NR1H4: variants seen among roughly 807,000 people sequenced by gnomAD.
NR1H4 encodes the protein nuclear receptor subfamily 1 group H member 4, also known as bile acid receptor.
A neutral mutation model predicts 58.5 loss-of-function variants in NR1H4; 23 were observed. The observed-to-expected ratio is 0.39, with a 90% CI of 0.28 to 0.56. NR1H4 has a LOEUF of 0.56. NR1H4 is among the 20% of genes least tolerant of loss of function. The pLI, the probability that NR1H4 is intolerant of heterozygous loss-of-function variation, is 0.58. For synonymous variants in NR1H4, 214 were observed against 198.0 expected, an observed-to-expected ratio of 1.08 and a Z score of -0.68; for missense variants, 487 against 576.9, an observed-to-expected ratio of 0.84 and a Z score of 1.60.
intron 9 of NR1H4, among the ~76,000 whole-genome samples, chr12:100,546,450 C>G (rs375439513): frequency 1.3e-5 from 2 of 152,054 alleles, no homozygotes; most frequent in Non-Finnish European, 2.9e-5. Context: ...AATCCCAGCA[C>G]TTTGGGAGGC....
At chr12:100,503,560 G>C (rs1953887306) in intron 3 of NR1H4, 2 of 1,448,750 alleles carry the variant, frequency 1.4e-6, no homozygotes, top group African/African-American at 1.4e-5. Context: ...GAAATCTGGG[G>C]ACTTTGGTTG....
intron 4 of NR1H4, among the ~76,000 whole-genome samples, chr12:100,526,011 C>T (rs974538396): frequency 1.3e-5 from 2 of 152,048 alleles, no homozygotes; most frequent in Admixed American, 6.6e-5. Context: ...TCTTCTCTCT[C>T]TCTTTTTTCT....
intron 9 of NR1H4, among the ~76,000 whole-genome samples, chr12:100,545,641 CAAAAA>C (rs35404680): frequency 1.0e-3 from 8 of 7,880 alleles, no homozygotes; most frequent in African/African-American, 3.6e-3. Flanking sequence ...GACCTTGTCT[CAAAAA>C]AAAAAAAAAA....
intron 4 of NR1H4, among the ~76,000 whole-genome samples, chr12:100,518,301 T>C (rs1208703136): frequency 1.3e-5 from 2 of 152,174 alleles, no homozygotes; most frequent in Middle Eastern, 3.4e-3. Context: ...AGAATAGAAG[T>C]AATCAAGATA....
intron 4 of NR1H4, among the ~76,000 whole-genome samples, chr12:100,513,077 T>G (rs750808981): frequency 2.6e-5 from 4 of 152,190 alleles, no homozygotes; most frequent in Non-Finnish European, 5.9e-5. Context: ...AGATCCCACT[T>G]ATGGCCTTCA....
At chr12:100,544,691 C>T (rs868662610) in intron 9 of NR1H4, among the ~76,000 whole-genome samples, 45 of 151,800 alleles carry the variant, frequency 3.0e-4, no homozygotes, top group African/African-American at 1.0e-3. Context: ...TGTGGAATAA[C>T]GAAAAAAATG....
chr12:100,537,118 T>A, intron 8 of NR1H4, 71 bp downstream of exon 8: 2 of 926,716 alleles, frequency 2.2e-6, no homozygotes, highest in Non-Finnish European at 3.5e-6. Flanking sequence ...AGATTACCTA[T>A]TTTACATACG....
chr12:100,548,022 G>C (rs1407046492), intron 9 of NR1H4, among the ~76,000 whole-genome samples: 1 of 150,128 alleles, frequency 6.7e-6, no homozygotes, highest in Non-Finnish European at 1.5e-5. Flanking sequence ...ACCCGGCCCT[G>C]TTCCTCTTTT....
intron 9 of NR1H4, among the ~76,000 whole-genome samples, chr12:100,553,062 G>T (rs183989807): frequency 1.3e-5 from 2 of 151,906 alleles, no homozygotes; most frequent in East Asian, 3.9e-4. Context: ...GCAGTGCAGC[G>T]ATCTTAGCTC....
chr12:100,498,664 C>A lies in NR1H4; in HGVS notation c.79+5262C>A, dbSNP rs1593054425. On this transcript the variant is annotated intron_variant, in intron 3 of 10. Coordinates refer to ENST00000392986, the MANE Select transcript of NR1H4 (RefSeq NM_001206979.2). ...AGAAAAAAACACCAAAAAACAAAAACAAACAATATGTAAATAAATTTCTGG... is the reference window on the plus strand; with the variant it reads ...AGAAAAAAACACCAAAAAACAAAAAAAAACAATATGTAAATAAATTTCTGG... Among the ~76,000 whole-genome samples the A allele has an allele frequency of 2.0e-5, 3 of 151,742 alleles. No homozygotes were observed. In the South Asian group the frequency reaches 6.2e-4, roughly 32 times the overall value.
At chr12:100,476,276 CA>C (rs1953269449) in intron 1 of NR1H4, among the ~76,000 whole-genome samples, 1 of 152,108 alleles carries the variant, frequency 6.6e-6, no homozygotes, top group Admixed American at 6.5e-5. Context: ...TCCAGCCTGA[CA>C]GGGGTGATTT....
At chr12:100,476,071 CTG>C (rs1315493486) in intron 1 of NR1H4, among the ~76,000 whole-genome samples, 1 of 152,082 alleles carries the variant, frequency 6.6e-6, no homozygotes, top group Non-Finnish European at 1.5e-5. Context: ...GATGAGAAAA[CTG>C]AGACTCAAAA....
chr12:100,537,796 C>T (rs1325660444), intron 8 of NR1H4, among the ~76,000 whole-genome samples: 1 of 152,190 alleles, frequency 6.6e-6, no homozygotes, highest in African/African-American at 2.4e-5. Flanking sequence ...TCACTGCAAC[C>T]TCTGCTTCCC....
intron 9 of NR1H4, among the ~76,000 whole-genome samples, chr12:100,547,771 G>A (rs1303363396): frequency 6.6e-6 from 1 of 151,720 alleles, no homozygotes; most frequent in Non-Finnish European, 1.5e-5. Context: ...CCAGGCTGGA[G>A]TGCAGTGACC....
At chr12:100,495,178 A>G (rs1045594482) in intron 3 of NR1H4, among the ~76,000 whole-genome samples, 5 of 152,188 alleles carry the variant, frequency 3.3e-5, no homozygotes, top group Admixed American at 2.6e-4. Flanking sequence ...GCTGGACCAC[A>G]TTCTTATTCC....
intron 9 of NR1H4, among the ~76,000 whole-genome samples, chr12:100,547,538 G>C (rs1200945826): frequency 6.6e-6 from 1 of 152,086 alleles, no homozygotes; most frequent in Admixed American, 6.5e-5. Flanking sequence ...ATTGAAACCT[G>C]TTGAGGCAAG....
At position 100,561,968 on chromosome 12, in the gene NR1H4, C is replaced by G; in HGVS notation, c.1162C>G (p.Leu388Val). 6.4e-7 allele frequency: 1 copy of G among 1,557,284 alleles called. No individual in the cohort carries two copies. Among genetic ancestry groups the G allele is most frequent in the Non-Finnish European group, 8.9e-7 (1 of 1,128,600 alleles). ...ELKMTQEEYA[L>V]LTAIVILSPD... Reference sequence around the variant, plus strand: ...GAAAATGACTCAAGAGGAGTATGCTCTGCTTACAGCAATTGTTATCCTGTC... The same window carrying G: ...GAAAATGACTCAAGAGGAGTATGCTGTGCTTACAGCAATTGTTATCCTGTC... The change falls in exon 10 of 11, where the codon CTG (leucine) becomes GTG (valine). Residue 388 changes from leucine (L) to valine (V), a missense_variant. Transcript: ENST00000392986.
intron 9 of NR1H4, among the ~76,000 whole-genome samples, chr12:100,560,378 C>A (rs1427336387): frequency 6.7e-6 from 1 of 149,178 alleles, no homozygotes; most frequent in Non-Finnish European, 1.5e-5. Flanking sequence ...TCTTTGGGTC[C>A]ACGCTGCTTT....
Position 100,493,494 on chromosome 12 carries a change from G to A in NR1H4, c.79+92G>A. 2 of 714,100 alleles carry A rather than the reference G, an allele frequency of 2.8e-6. 1 individual carries two copies. 44.2% of individuals were successfully genotyped at this position (714,100 alleles called of 1,614,324 possible). A position where few individuals can be genotyped will look rare whatever the true frequency, so the allele number is the denominator to read the frequency against. On this transcript the variant is annotated intron_variant, in intron 3 of 10. Coordinates refer to ENST00000392986, the MANE Select transcript of NR1H4 (RefSeq NM_001206979.2). ...GCCTAGATGATGAGTCCAGCCCAGG[G>A]TCAAGAACATGTTTTTGTTCCTTCC... is the stretch of plus-strand genomic sequence containing the variant.
Sources: gnomAD v4.1 joint callset for allele counts (sites outside exome capture counted in the v4.1 genomes callset) on GRCh38, gnomAD v4.1.1 for gene constraint, MANE v1.5 for transcripts, NCBI Gene and HGNC (gene_info 2026-07-23, HGNC 2026-07-21) for gene names.